PCDHGA9: variants seen among roughly 807,000 people sequenced by gnomAD.
The protein encoded by PCDHGA9 is protocadherin gamma subfamily A, 9.
A neutral mutation model predicts 62.5 loss-of-function variants in PCDHGA9; 37 were observed. The ratio of observed to expected loss-of-function variants is 0.59; its 90% CI spans 0.46 to 0.78. The LOEUF is 0.78. Among genes scored for constraint, PCDHGA9 ranks in the 30% least tolerant of loss-of-function variants. The probability of loss-of-function intolerance (pLI) is 0.00; values close to 1 mark genes in which losing one functional copy is unlikely to be tolerated. For synonymous variants in PCDHGA9, 459 were observed against 484.6 expected (o/e 0.95, Z 0.69); for missense variants, 1,138 against 1,166.2 (o/e 0.98, Z 0.35).
rs770577946 is a variant in PCDHGA9, at chr5:141,404,879, G to A, written c.1927G>A (p.Val643Met). Residue 643 changes from valine (V) to methionine (M), a missense_variant, in exon 1 of 4, where the codon GTG becomes ATG. Physicochemically the swap from Val to Met is conservative, Grantham distance 21. Coordinates refer to ENST00000573521, the MANE Select transcript of PCDHGA9 (RefSeq NM_018921.3). ...LDRDALKQSLVVAVQDHGQPP... is the reference protein window; with the variant it reads ...LDRDALKQSLMVAVQDHGQPP... ...TAGAGATGCGCTCAAACAGAGCCTT[G>A]TGGTGGCTGTACAGGACCATGGCCA... 4 of 1,613,906 alleles carry A rather than the reference G, an allele frequency of 2.5e-6. No homozygotes were observed. The highest frequency in any genetic ancestry group is 1.6e-4 in the Middle Eastern group (1 of 6,062).
At chr5:141,469,929 G>C (rs1208858245) in intron 1 of PCDHGA9, among the ~76,000 whole-genome samples, 1 of 152,168 alleles carries the variant, frequency 6.6e-6, no homozygotes, top group Non-Finnish European at 1.5e-5. Context: ...TCAGGAGTTT[G>C]AGACCAGCCT....
Position 141,491,030 on chromosome 5 carries a change from C to T in PCDHGA9, c.2425-3777C>T. ...GTCACCAAGGTGACAGCCGTGGATG[C>T]TGATGCAGGCCACAATGCGTGGCTC... On this transcript the variant is annotated intron_variant, in intron 1 of 3. Transcript: ENST00000573521. The surrounding 1 kb of genome is among the most constrained non-coding windows in gnomAD (Gnocchi z 6.9). 6.2e-7 allele frequency: 1 copy of T among 1,614,148 alleles called. No individual in the cohort carries two copies. Among genetic ancestry groups the T allele is most frequent in the South Asian group, 1.1e-5 (1 of 91,088 alleles).
chr5:141,447,078 G>A (rs531206989), intron 1 of PCDHGA9, among the ~76,000 whole-genome samples: 5 of 152,018 alleles, frequency 3.3e-5, no homozygotes, highest in Non-Finnish European at 7.4e-5. Context: ...TTTAATTTTT[G>A]TTGTTTAATT....
intron 1 of PCDHGA9, chr5:141,415,739 G>GTTTTT (rs1561759437): frequency 2.3e-6 from 1 of 434,538 alleles, no homozygotes; most frequent in African/African-American, 3.3e-5. Flanking sequence ...TGTTTATTAA[G>GTTTTT]GTTTTTTTTT....
intron 1 of PCDHGA9, among the ~76,000 whole-genome samples, chr5:141,469,170 G>A (rs2099192781): frequency 6.6e-6 from 1 of 152,042 alleles, no homozygotes; most frequent in South Asian, 2.1e-4. Context: ...CAGCTACTTG[G>A]GAGGCTGAGG....
intron 1 of PCDHGA9, among the ~76,000 whole-genome samples, chr5:141,438,625 TATATATATATACACACAC>T (rs1351180774): frequency 3.0e-4 from 14 of 46,412 alleles, no homozygotes; most frequent in Middle Eastern, 8.3e-3. Context: ...TATATATATA[TATATATATATACACACAC>T]ACACACACAT....
intron 1 of PCDHGA9, chr5:141,422,099 A>C (rs374091819): frequency 6.2e-7 from 1 of 1,609,706 alleles, no homozygotes; most frequent in Non-Finnish European, 8.5e-7. Context: ...AAGGCTTCTG[A>C]AATATTCCAA....
Position 141,477,486 on chromosome 5 carries a change from C to A in PCDHGA9, c.2425-17321C>A. On this transcript the variant is annotated intron_variant, in intron 1 of 3. Coordinates refer to ENST00000573521, the MANE Select transcript of PCDHGA9 (RefSeq NM_018921.3). This position sits in a 1 kb window ranked among gnomAD's most constrained non-coding sequence, Gnocchi z 4.9. ...GACATCAATGACAACCCTCCACAAT[C>A]TTCTCAATCTTCCTACGACGTTTAC... is the stretch of plus-strand genomic sequence containing the variant. The A allele has an allele frequency of 6.2e-7, 1 of 1,614,170 alleles. No homozygotes were observed. The highest frequency in any genetic ancestry group is 8.5e-7 in the Non-Finnish European group (1 of 1,180,040).
Position 141,418,795 on chromosome 5 carries a change from A to G in PCDHGA9, c.2424+13419A>G, listed in dbSNP as rs373690093. The G allele has an allele frequency of 6.8e-6, 11 of 1,613,740 alleles. No homozygotes were observed. The African/African-American group carries it at 1.5e-4, about 22-fold the overall frequency. On this transcript the variant is annotated intron_variant, in intron 1 of 3. Transcript: ENST00000573521. Reference sequence around the variant, plus strand: ...AGCAGCCTTTGGATTTTGAAGAAGTAGAAAGATATACGATAAACATAGAAG... The same window carrying G: ...AGCAGCCTTTGGATTTTGAAGAAGTGGAAAGATATACGATAAACATAGAAG...
At chr5:141,470,038 A>C (rs1256439782) in intron 1 of PCDHGA9, among the ~76,000 whole-genome samples, 1 of 152,204 alleles carries the variant, frequency 6.6e-6, no homozygotes, top group Non-Finnish European at 1.5e-5. Flanking sequence ...CTGAGGCGCG[A>C]GAACTGTTTG....
At chr5:141,506,103 C>T (rs1001709380) in intron 3 of PCDHGA9, among the ~76,000 whole-genome samples, 2 of 152,144 alleles carry the variant, frequency 1.3e-5, no homozygotes, top group Admixed American at 1.3e-4. Context: ...GTGGTTGTCC[C>T]TGAAGAGTCA....
intron 2 of PCDHGA9, 34 bp from the exon 3 acceptor site, chr5:141,505,359 G>T: frequency 1.9e-6 from 3 of 1,613,870 alleles, no homozygotes; most frequent in Non-Finnish European, 2.5e-6. Context: ...TGCCGGCCTG[G>T]GAGTCTGTGC....
intron 1 of PCDHGA9, chr5:141,422,231 T>A: frequency 3.2e-6 from 5 of 1,566,292 alleles, no homozygotes; most frequent in Non-Finnish European, 4.3e-6. Context: ...ACGACGATGT[T>A]GATCACTGTT....
chr5:141,415,278 G>A (rs768587119), intron 1 of PCDHGA9: 4 of 1,614,212 alleles, frequency 2.5e-6, no homozygotes, highest in Non-Finnish European at 3.4e-6. Flanking sequence ...TGGTAGCGGT[G>A]GCCGCGGTCT....
intron 2 of PCDHGA9, among the ~76,000 whole-genome samples, chr5:141,503,977 CCTT>C (rs1012021012): frequency 1.3e-5 from 2 of 152,250 alleles, no homozygotes; most frequent in Admixed American, 1.3e-4. Flanking sequence ...GGTGCCAAAC[CCTT>C]CTTCTTACCT....
chr5:141,478,116 C>T (rs145816520), intron 1 of PCDHGA9: 1 of 1,613,974 alleles, frequency 6.2e-7, no homozygotes, highest in Non-Finnish European at 8.5e-7. Flanking sequence ...GTGTCAGTAA[C>T]CGAGGACTCT....
At chr5:141,417,753 C>T (rs889153718) in intron 1 of PCDHGA9, 3 of 1,431,672 alleles carry the variant, frequency 2.1e-6, no homozygotes, top group African/African-American at 2.9e-5. Flanking sequence ...ATTGCCAGCT[C>T]CGAGACCCGG....
intron 1 of PCDHGA9, among the ~76,000 whole-genome samples, chr5:141,445,156 GT>G (rs1248104914): frequency 6.6e-6 from 1 of 152,018 alleles, no homozygotes; most frequent in Non-Finnish European, 1.5e-5. Flanking sequence ...TTCATTTCTA[GT>G]TTACAGAAAA....
At chr5:141,410,481 G>A in intron 1 of PCDHGA9, 2 of 1,613,966 alleles carry the variant, frequency 1.2e-6, no homozygotes, top group Non-Finnish European at 1.7e-6. Context: ...GCACATACGG[G>A]TACAAAAGAG....
Sources: allele counts gnomAD v4.1 joint callset (sites outside exome capture counted in the v4.1 genomes callset), GRCh38; gene constraint gnomAD v4.1.1; non-coding constraint Gnocchi (gnomAD v3.1); transcripts MANE v1.5; gene names NCBI Gene and HGNC (gene_info 2026-07-23, HGNC 2026-07-21).